The following SYN3 variants were observed in gnomAD, a reference collection of about 807,000 sequenced individuals.
SYN3 encodes the protein synapsin-3.
A neutral mutation model predicts 65.8 loss-of-function variants in SYN3; 35 were observed. The observed-to-expected ratio is 0.53, with a 90% CI of 0.41 to 0.70. The LOEUF (loss-of-function observed/expected upper bound fraction) is 0.70. SYN3 is among the 30% of genes least tolerant of loss of function. The pLI, the probability that SYN3 is intolerant of heterozygous loss-of-function variation, is 0.00. For synonymous variants in SYN3, 270 were observed against 292.9 expected (o/e 0.92, Z 0.80); for missense variants, 680 against 749.0 (o/e 0.91, Z 1.08).
At chr22:32,982,195 ATTG>A (rs2052391754) in intron 2 of SYN3, among the ~76,000 whole-genome samples, 1 of 152,206 alleles carries the variant, frequency 6.6e-6, no homozygotes, top group Non-Finnish European at 1.5e-5. Flanking sequence ...ATAATGCAGT[ATTG>A]TTTTATTGAG....
intron 6 of SYN3, among the ~76,000 whole-genome samples, chr22:32,747,917 C>G (rs1174219320): frequency 6.6e-6 from 1 of 152,198 alleles, no homozygotes; most frequent in Non-Finnish European, 1.5e-5. Context: ...AAAGCTGGAG[C>G]AGCATAAAAC....
In SYN3 at chr22:32,588,630, C is replaced by A. The variant is rs187332205; in HGVS notation, c.774+8044G>T. Among the ~76,000 whole-genome samples the A allele has an allele frequency of 4.7e-3, 714 of 152,262 alleles. 3 individuals carry two copies. The highest frequency in any genetic ancestry group is 0.016 in the African/African-American group (645 of 41,538). On this transcript the variant is annotated intron_variant, in intron 7 of 13. Transcript: ENST00000358763. ...ACAACCCTGGGAGGGAGATTATTGTCCCTGTGTTAGAGATGAGGAAATTGA... is the reference window on the plus strand; with the variant it reads ...ACAACCCTGGGAGGGAGATTATTGTACCTGTGTTAGAGATGAGGAAATTGA...
At chr22:32,919,836 C>G (rs1388833218) in intron 4 of SYN3, among the ~76,000 whole-genome samples, 10 of 152,134 alleles carry the variant, frequency 6.6e-5, no homozygotes, top group Admixed American at 6.5e-4. Flanking sequence ...GAAAAGCCAC[C>G]CTTCTCTCTT....
At chr22:32,536,367 C>T (rs2058165225) in intron 9 of SYN3, among the ~76,000 whole-genome samples, 1 of 152,230 alleles carries the variant, frequency 6.6e-6, no homozygotes, top group Non-Finnish European at 1.5e-5. Context: ...CTGCCAGGGG[C>T]TGGTTCTGGA....
intron 6 of SYN3, among the ~76,000 whole-genome samples, chr22:32,677,976 G>A (rs910366178): frequency 1.5e-4 from 23 of 152,184 alleles, no homozygotes; most frequent in Non-Finnish European, 2.8e-4. Flanking sequence ...TGTAAATAAT[G>A]TCTAGGGAAC....
At chr22:32,984,646 T>C (rs771239232) in intron 2 of SYN3, among the ~76,000 whole-genome samples, 1 of 152,146 alleles carries the variant, frequency 6.6e-6, no homozygotes, top group Non-Finnish European at 1.5e-5. Context: ...CCCTCACTCC[T>C]AACTCCTCTG....
chr22:33,033,201 A>G (rs2053786236), intron 1 of SYN3, among the ~76,000 whole-genome samples: 1 of 151,858 alleles, frequency 6.6e-6, no homozygotes, highest in Admixed American at 6.6e-5. Context: ...GGCTTTCACC[A>G]TGTTGGCCAG....
chr22:32,567,343 TCC>T (rs2058686289), intron 7 of SYN3, among the ~76,000 whole-genome samples: 1 of 39,914 alleles, frequency 2.5e-5, no homozygotes. Flanking sequence ...CCTCCCTCCC[TCC>T]CTCCCTCCCT....
intron 3 of SYN3, among the ~76,000 whole-genome samples, chr22:32,955,578 C>T (rs2051428194): frequency 6.6e-6 from 1 of 152,080 alleles, no homozygotes; most frequent in Non-Finnish European, 1.5e-5. Flanking sequence ...TTTAAGTGTA[C>T]ATTTTAGTGG....
chr22:32,759,067 C>T (rs1180138726), intron 6 of SYN3, among the ~76,000 whole-genome samples: 1 of 152,130 alleles, frequency 6.6e-6, no homozygotes, highest in Non-Finnish European at 1.5e-5. Flanking sequence ...CCCAACCTCT[C>T]AATATCTCTC....
chr22:32,518,386 A>T (rs562055111), intron 12 of SYN3, 52 bp from the exon 13 acceptor site: 1 of 1,598,366 alleles, frequency 6.3e-7, no homozygotes, highest in African/African-American at 1.3e-5. Flanking sequence ...CTTAGGATAG[A>T]TATGGCTGTA....
intron 6 of SYN3, among the ~76,000 whole-genome samples, chr22:32,858,398 G>A (rs977344096): frequency 2.6e-5 from 4 of 152,184 alleles, no homozygotes; most frequent in Non-Finnish European, 5.9e-5. Flanking sequence ...GCTGGGGCAT[G>A]AGGGCTCTTG....
intron 10 of SYN3, among the ~76,000 whole-genome samples, chr22:32,533,444 C>T (rs1051115444): frequency 6.6e-6 from 1 of 152,136 alleles, no homozygotes; most frequent in Non-Finnish European, 1.5e-5. Context: ...AAGGAAGGTG[C>T]CCATTTCACA....
Position 32,915,865 on chromosome 22 carries a change from T to C in SYN3, c.461+15525A>G, listed in dbSNP as rs571642004. ...CTCTGGCTGCTGTGTAGAGAACAGATTGAAGGGGGAAATGGTGGATTAGCA... is the reference window on the plus strand; with the variant it reads ...CTCTGGCTGCTGTGTAGAGAACAGACTGAAGGGGGAAATGGTGGATTAGCA... On this transcript the variant is annotated intron_variant, in intron 4 of 13. Coordinates refer to ENST00000358763, the MANE Select transcript of SYN3 (RefSeq NM_003490.4). Among the ~76,000 whole-genome samples, 6 of 152,234 alleles carry C rather than the reference T, an allele frequency of 3.9e-5. No homozygotes were observed. The South Asian group carries it at 1.2e-3, about 32-fold the overall frequency.
At chr22:32,660,781 G>C (rs1236148175) in intron 6 of SYN3, among the ~76,000 whole-genome samples, 1 of 152,194 alleles carries the variant, frequency 6.6e-6, no homozygotes, top group Non-Finnish European at 1.5e-5. Context: ...GTCTGGCCCA[G>C]AGCAAGGATT....
chr22:32,692,102 T>G, intron 6 of SYN3, among the ~76,000 whole-genome samples: 1 of 150,384 alleles, frequency 6.6e-6, no homozygotes, highest in Non-Finnish European at 1.5e-5. Flanking sequence ...GTCATTGTTT[T>G]TTTTTTGTTT....
At chr22:32,586,831 C>G (rs2059051054) in intron 7 of SYN3, among the ~76,000 whole-genome samples, 1 of 152,118 alleles carries the variant, frequency 6.6e-6, no homozygotes, top group East Asian at 1.9e-4. Context: ...AGGACAACTT[C>G]ATTGCAGAGG....
chr22:32,554,108 C>G (rs149737546), intron 7 of SYN3, among the ~76,000 whole-genome samples: 1 of 152,336 alleles, frequency 6.6e-6, no homozygotes, highest in African/African-American at 2.4e-5. Context: ...TCTGTTGAAG[C>G]TCTGCAGGCA....
intron 5 of SYN3, among the ~76,000 whole-genome samples, chr22:32,867,190 T>C (rs2048709898): frequency 2.0e-5 from 3 of 152,224 alleles, no homozygotes; most frequent in Admixed American, 2.0e-4. Context: ...CAGACAGCTA[T>C]GAGCTTCATA....
Sources: allele counts gnomAD v4.1 joint callset (sites outside exome capture counted in the v4.1 genomes callset), GRCh38; gene constraint gnomAD v4.1.1; transcripts MANE v1.5; gene names NCBI Gene and HGNC (gene_info 2026-07-23, HGNC 2026-07-21).